NDUFA10: variants seen among roughly 807,000 people sequenced by gnomAD.
NDUFA10 encodes the protein NADH:ubiquinone oxidoreductase subunit A10.
NDUFA10 carries 40 observed loss-of-function variants against 47.8 expected under a neutral mutation model. That is an observed-to-expected ratio of 0.84 (90% CI 0.65 to 1.09). NDUFA10 has a LOEUF of 1.09. Among genes scored for constraint, NDUFA10 ranks in the 50% least tolerant of loss-of-function variants. The pLI, the probability that NDUFA10 is intolerant of heterozygous loss-of-function variation, is 0.00. For synonymous variants in NDUFA10, 183 were observed against 172.2 expected, an observed-to-expected ratio of 1.06 and a Z score of -0.49; for missense variants, 413 against 451.1, an observed-to-expected ratio of 0.92 and a Z score of 0.76.
Position 240,011,658 on chromosome 2 carries a change from G to A in NDUFA10, c.708C>T (p.Asp236=), listed in dbSNP as rs1040616955. The A allele has an allele frequency of 6.2e-7, 1 of 1,613,626 alleles. No homozygotes were observed. The highest frequency in any genetic ancestry group is 8.5e-7 in the Non-Finnish European group (1 of 1,179,542). The part of the protein sequence containing the change: ...EMKITSAYLQ[D]IENAYKKTFL... ...AGGTTTTCTTATAGGCATTCTCAAT[G>A]TCCTGTAGATAGGCAGAGGTGATCT... Residue 236 remains aspartate (D), a synonymous_variant, in exon 6 of 10, where the codon GAC becomes GAT. Transcript: ENST00000252711.
intron 4 of NDUFA10, among the ~76,000 whole-genome samples, chr2:239,911,397 A>G (rs1693751965): frequency 6.6e-6 from 1 of 152,160 alleles, no homozygotes; most frequent in Non-Finnish European, 1.5e-5. Context: ...CAGCTCTGCA[A>G]ACCCTGGGGG....
chr2:239,962,172 A>G lies in NDUFA10; in HGVS notation c.1000-986T>C, dbSNP rs116912428. Among the ~76,000 whole-genome samples the G allele has an allele frequency of 3.0e-4, 46 of 151,876 alleles. No homozygotes were observed. The East Asian group carries it at 9.0e-3, about 30-fold the overall frequency. Reference sequence around the variant, plus strand: ...AGGTGGGAAAATGATGAGTTTTTTCATATTTTCAAATCAGCATGGGCACAC... The same window carrying G: ...AGGTGGGAAAATGATGAGTTTTTTCGTATTTTCAAATCAGCATGGGCACAC... On this transcript the variant is annotated intron_variant, in intron 9 of 9. Coordinates refer to ENST00000252711, the MANE Select transcript of NDUFA10 (RefSeq NM_004544.4).
rs951503212 is a variant in NDUFA10, at chr2:239,945,853, G to A, written c.294+44221C>T. ...AGGCTTCAAGGGCCCACAGGGCTCC[G>A]GGACTGCAAGCCAGAAGCACCCTGT... On this transcript the variant is annotated intron_variant, in intron 4 of 5. Transcript: ENST00000419408. The surrounding 1 kb of genome is among the most constrained non-coding windows in gnomAD (Gnocchi z 4.6). Among the ~76,000 whole-genome samples the A allele has an allele frequency of 2.0e-5, 3 of 152,118 alleles. No individual in the cohort carries two copies. Among genetic ancestry groups the A allele is most frequent in the East Asian group, 3.9e-4 (2 of 5,170 alleles).
chr2:239,952,873 C>G (rs1209893005), downstream of NDUFA10, among the ~76,000 whole-genome samples: 1 of 152,236 alleles, frequency 6.6e-6, no homozygotes, highest in Non-Finnish European at 1.5e-5. Context: ...CCGACGCCAG[C>G]CCCGCTGCTC....
intron 4 of NDUFA10, among the ~76,000 whole-genome samples, chr2:239,912,492 A>G (rs978504034): frequency 7.9e-5 from 12 of 152,364 alleles, no homozygotes; most frequent in Admixed American, 7.2e-4. Context: ...AGGCGAGAGT[A>G]GCTGCTCACC....
intron 4 of NDUFA10, among the ~76,000 whole-genome samples, chr2:239,944,799 A>AC (rs1305484469): frequency 6.6e-6 from 1 of 152,054 alleles, no homozygotes; most frequent in Non-Finnish European, 1.5e-5. Flanking sequence ...GCCCAGAGCC[A>AC]CCTGCCCCTG....
At chr2:240,011,378 G>C (rs1697130713) in intron 6 of NDUFA10, among the ~76,000 whole-genome samples, 1 of 151,970 alleles carries the variant, frequency 6.6e-6, no homozygotes. Context: ...AAAAACTTCA[G>C]AAATATAGCA....
At chr2:239,944,121 C>G (rs1224603846) in intron 4 of NDUFA10, among the ~76,000 whole-genome samples, 3 of 152,194 alleles carry the variant, frequency 2.0e-5, no homozygotes, top group African/African-American at 4.8e-5. Flanking sequence ...AATGAGCCAC[C>G]CTGCCCCTGA....
chr2:240,005,316 AT>A, intron 7 of NDUFA10, 21 bp from the exon 8 acceptor site: 1 of 1,586,132 alleles, frequency 6.3e-7, no homozygotes. Flanking sequence ...AAAAATTCCA[AT>A]TTAAACAGAG....
intron 4 of NDUFA10, among the ~76,000 whole-genome samples, chr2:239,947,005 C>A (rs1014170252): frequency 1.3e-5 from 2 of 152,246 alleles, no homozygotes; most frequent in Non-Finnish European, 2.9e-5. Context: ...GAGACGGATG[C>A]CCAGCCCATG....
At chr2:239,955,165 C>T (rs149614714), downstream of NDUFA10, among the ~76,000 whole-genome samples, 276 of 152,174 alleles carry the variant, frequency 1.8e-3, 1 homozygote, top group African/African-American at 6.4e-3. Flanking sequence ...TATACAAATA[C>T]TATGGATAGA....
intron 8 of NDUFA10, among the ~76,000 whole-genome samples, chr2:239,995,758 C>T (rs1325087717): frequency 6.6e-6 from 1 of 152,140 alleles, no homozygotes; most frequent in Non-Finnish European, 1.5e-5. Flanking sequence ...ACACACCATG[C>T]CCACACTAAT....
chr2:240,014,657 T>C (rs1697266595), intron 5 of NDUFA10, 82 bp downstream of exon 5: 1 of 1,589,756 alleles, frequency 6.3e-7, no homozygotes, highest in Non-Finnish European at 8.6e-7. Context: ...GGAATTAGTA[T>C]AAATGCTATT....
chr2:240,002,585 G>T (rs1299879208), intron 8 of NDUFA10, among the ~76,000 whole-genome samples: 2 of 151,868 alleles, frequency 1.3e-5, no homozygotes. Flanking sequence ...CTTACATATG[G>T]AGGCACAGGC....
At chr2:239,907,579 TG>T (rs1301072771) in intron 4 of NDUFA10, among the ~76,000 whole-genome samples, 1 of 152,128 alleles carries the variant, frequency 6.6e-6, no homozygotes, top group Non-Finnish European at 1.5e-5. Flanking sequence ...CATCAAAAAG[TG>T]GGCGAAGGAT....
rs962855267 is a variant in NDUFA10, at chr2:239,928,483, C to T, written c.295-33169G>A. Among the ~76,000 whole-genome samples the T allele has an allele frequency of 3.3e-5, 5 of 152,184 alleles. No individual in the cohort carries two copies. The highest frequency in any genetic ancestry group is 5.9e-5 in the Non-Finnish European group (4 of 68,028). ...CAGTTCCTCATGGCAGGAAATCCCC[C>T]GAATCCACGCCAGACTCCTCGGCCC... On this transcript the variant is annotated intron_variant, in intron 4 of 5. Coordinates refer to the NDUFA10 transcript ENST00000419408. The surrounding 1 kb of genome is among the most constrained non-coding windows in gnomAD (Gnocchi z 4.3).
intron 6 of NDUFA10, among the ~76,000 whole-genome samples, chr2:240,010,127 A>T (rs970102715): frequency 3.9e-5 from 6 of 152,252 alleles, no homozygotes; most frequent in African/African-American, 1.4e-4. Context: ...TGCATACTGC[A>T]TAGAGTACAT....
chr2:239,938,348 C>G (rs1000412512), intron 4 of NDUFA10, among the ~76,000 whole-genome samples: 1 of 152,252 alleles, frequency 6.6e-6, no homozygotes. Flanking sequence ...CACAGGCCCC[C>G]CTGAGGACAG....
intron 4 of NDUFA10, among the ~76,000 whole-genome samples, chr2:239,941,702 G>A (rs1694364007): frequency 6.7e-6 from 1 of 150,078 alleles, no homozygotes; most frequent in Admixed American, 6.7e-5. Context: ...TCCAGCCTGG[G>A]CAACAGAGTA....
Sources: allele counts gnomAD v4.1 joint callset (sites outside exome capture counted in the v4.1 genomes callset), GRCh38; gene constraint gnomAD v4.1.1; non-coding constraint Gnocchi (gnomAD v3.1); transcripts MANE v1.5; gene names NCBI Gene and HGNC (gene_info 2026-07-23, HGNC 2026-07-21).